The following MMP24 variants were observed in gnomAD, a reference collection of about 807,000 sequenced individuals.
The protein encoded by MMP24 is matrix metalloproteinase-24.
A neutral mutation model predicts 62.8 loss-of-function variants in MMP24; 25 were observed. The observed-to-expected ratio is 0.40, with a 90% CI of 0.29 to 0.56. MMP24 has a LOEUF of 0.56. Ranked by LOEUF, MMP24 falls within the 20% of genes least tolerant of loss-of-function variation. MMP24 has a pLI of 0.50. For missense variants in MMP24, 634 were observed against 853.6 expected, an observed-to-expected ratio of 0.74 and a Z score of 3.21; for synonymous variants, 319 against 350.5, an observed-to-expected ratio of 0.91 and a Z score of 1.00.
At chr20:35,235,570 C>T (rs1375348722) in intron 1 of MMP24, among the ~76,000 whole-genome samples, 1 of 152,064 alleles carries the variant, frequency 6.6e-6, no homozygotes, top group South Asian at 2.1e-4. Context: ...TGGTGGTGGG[C>T]ACCTGTAATC....
In MMP24 at chr20:35,263,893, T is replaced by C. The variant is rs572894495; in HGVS notation, c.920T>C (p.Met307Thr). Residue 307 changes from methionine (M) to threonine (T), a missense_variant, in exon 5 of 9, where the codon ATG becomes ACG. Physicochemically the swap from Met to Thr is moderately conservative, Grantham distance 81 (BLOSUM62 -1). Coordinates refer to ENST00000246186, the MANE Select transcript of MMP24 (RefSeq NM_006690.4). ...ATCATGGCGCCCTTCTACCAGTACATGGAGACGCACAACTTCAAGCTGCCC... is the reference window on the plus strand; with the variant it reads ...ATCATGGCGCCCTTCTACCAGTACACGGAGACGCACAACTTCAAGCTGCCC... Reference protein sequence around the residue: ...SAIMAPFYQYMETHNFKLPQD... With the variant: ...SAIMAPFYQYTETHNFKLPQD... The C allele has an allele frequency of 2.6e-5, 42 of 1,612,942 alleles. No individual in the cohort carries two copies. Among genetic ancestry groups the C allele is most frequent in the Non-Finnish European group, 3.5e-5 (41 of 1,179,454 alleles).
intron 1 of MMP24, among the ~76,000 whole-genome samples, chr20:35,242,445 G>C (rs2060493130): frequency 6.6e-6 from 1 of 152,036 alleles, no homozygotes. Context: ...AAAAGTAATG[G>C]TTACTTCCAA....
chr20:35,246,702 T>G, intron 1 of MMP24, 138 bp from the exon 2 acceptor site: 3 of 943,308 alleles, frequency 3.2e-6, no homozygotes, highest in Non-Finnish European at 4.8e-6. Context: ...CAGGATGGGG[T>G]GAAGGAAAAA....
At chr20:35,264,043 C>T (rs906417475) in intron 5 of MMP24, 91 bp downstream of exon 5, 31 of 1,357,082 alleles carry the variant, frequency 2.3e-5, no homozygotes, top group Admixed American at 1.3e-4. Context: ...GGGAGGGGGA[C>T]GTTGCTATCA....
intron 8 of MMP24, among the ~76,000 whole-genome samples, chr20:35,272,862 A>C (rs2060679196): frequency 6.6e-6 from 1 of 152,150 alleles, no homozygotes; most frequent in African/African-American, 2.4e-5. Context: ...ACCTTTATAT[A>C]ATGGTTTTGT....
At chr20:35,268,273 G>A (rs894991101) in intron 6 of MMP24, among the ~76,000 whole-genome samples, 4 of 152,216 alleles carry the variant, frequency 2.6e-5, no homozygotes, top group African/African-American at 9.6e-5. Context: ...CCCCAAAGGG[G>A]CTGACAGTTG....
At position 35,274,885 on chromosome 20, in the gene MMP24, G is replaced by A. The variant is rs2060695126; in HGVS notation, c.*276G>A. 8.7e-6 allele frequency: 4 copies of A among 459,918 alleles called. No individual in the cohort carries two copies. The highest frequency in any genetic ancestry group is 2.0e-5 in the African/African-American group (1 of 51,004). The allele number at this position is 459,918 out of a possible 1,614,324, so 28.5% of individuals were successfully genotyped here. A position where few individuals can be genotyped will look rare whatever the true frequency, so the allele number is the denominator to read the frequency against. On this transcript the variant is annotated 3_prime_UTR_variant, in exon 9 of 9. Coordinates refer to ENST00000246186, the MANE Select transcript of MMP24 (RefSeq NM_006690.4). The surrounding 1 kb of genome is among the most constrained non-coding windows in gnomAD (Gnocchi z 5.1). ...GGAATAGGCCAGGCTCCATCCGGAG[G>A]CAGGGACCATGCCAGGAGGAGCCCC...
At position 35,275,903 on chromosome 20, in the gene MMP24, A is replaced by G. The variant is rs994620492; in HGVS notation, c.*1294A>G. ...TTTGACCTTCACTGGCCCGCCCTTC[A>G]CTGTCTCCAGCAGGAGTTCCTAGGG... On this transcript the variant is annotated 3_prime_UTR_variant, in exon 9 of 9. Transcript: ENST00000246186. The G allele has an allele frequency of 1.5e-5, 6 of 397,848 alleles. No individual in the cohort carries two copies. The highest frequency in any genetic ancestry group is 2.7e-5 in the Non-Finnish European group (6 of 226,016). The allele number at this position is 397,848 out of a possible 1,614,324, so 24.6% of individuals were successfully genotyped here.
chr20:35,265,412 A>G (rs2060627667), intron 5 of MMP24, among the ~76,000 whole-genome samples: 1 of 152,022 alleles, frequency 6.6e-6, no homozygotes, highest in South Asian at 2.1e-4. Flanking sequence ...ACTGCACTCC[A>G]GCCTAGGCGA....
intron 1 of MMP24, among the ~76,000 whole-genome samples, chr20:35,235,071 C>A (rs1337116294): frequency 1.3e-5 from 2 of 152,190 alleles, no homozygotes; most frequent in East Asian, 3.8e-4. Flanking sequence ...ACATGACTTA[C>A]AGGTTATTTA....
At chr20:35,252,118 G>A in intron 3 of MMP24, 97 bp downstream of exon 3, 1 of 1,008,474 alleles carries the variant, frequency 9.9e-7, no homozygotes, top group Non-Finnish European at 1.5e-6. Context: ...AGGGGGGCCT[G>A]GGGATCAGGC....
Position 35,226,950 on chromosome 20 carries a change from G to C in MMP24, c.212G>C (p.Arg71Pro), listed in dbSNP as rs1286470860. 1 of 975,156 alleles carries C rather than the reference G, an allele frequency of 1.0e-6. No homozygotes were observed. 60.4% of individuals were successfully genotyped at this position (975,156 alleles called of 1,614,324 possible). ...GCAGCGGTGGCGGTGGCGGTGGCGCGGGCGGACGAGGCGGAGGCGCCCTTC... is the reference window on the plus strand; with the variant it reads ...GCAGCGGTGGCGGTGGCGGTGGCGCCGGCGGACGAGGCGGAGGCGCCCTTC... ...NRAAVAVAVA[R>P]ADEAEAPFAG... Residue 71 changes from arginine (R) to proline (P), a missense_variant, in exon 1 of 9, where the codon CGG becomes CCG. Physicochemically the swap from Arg to Pro is moderately radical, Grantham distance 103. Transcript: ENST00000246186.
chr20:35,245,276 C>T (rs1233558497), intron 1 of MMP24, among the ~76,000 whole-genome samples: 3 of 152,158 alleles, frequency 2.0e-5, no homozygotes, highest in African/African-American at 7.2e-5. Context: ...ATCCTTTCAC[C>T]TCAGCCTCTT....
intron 8 of MMP24, among the ~76,000 whole-genome samples, chr20:35,272,401 G>T (rs572190690): frequency 4.5e-4 from 69 of 152,256 alleles, no homozygotes; most frequent in African/African-American, 1.6e-3. Flanking sequence ...ACTGTGCCTG[G>T]CTAATTTACA....
chr20:35,226,885 C>T lies in MMP24; in HGVS notation c.147C>T (p.Ala49=). The T allele has an allele frequency of 1.0e-6, 1 of 978,350 alleles. No homozygotes were observed. The highest frequency in any genetic ancestry group is 1.2e-4 in the East Asian group (1 of 8,454). The allele number at this position is 978,350 out of a possible 1,614,324, so 60.6% of individuals were successfully genotyped here. A position where few individuals can be genotyped will look rare whatever the true frequency, so the allele number is the denominator to read the frequency against. ...CCGCGCTCTGCTGCCTCCCGGGCGC[C>T]GCGCGGGCGGCGGCGGCGGCGGCGG... ...LLPALCCLPG[A]ARAAAAAAGA... Residue 49 remains alanine, a synonymous_variant, in exon 1 of 9, where the codon GCC becomes GCT. Coordinates refer to ENST00000246186, the MANE Select transcript of MMP24 (RefSeq NM_006690.4).
Position 35,274,318 on chromosome 20 carries a change from C to T in MMP24, c.1647C>T (p.Asn549=). 6.2e-7 allele frequency: 1 copy of T among 1,613,520 alleles called. No individual in the cohort carries two copies. Among genetic ancestry groups the T allele is most frequent in the Non-Finnish European group, 8.5e-7 (1 of 1,179,864 alleles). Reference sequence around the variant, plus strand: ...GCCGGGACTACTGGAAGTTTGACAACCAGAAACTGAGCGTGGAGCCAGGCT... The same window carrying T: ...GCCGGGACTACTGGAAGTTTGACAATCAGAAACTGAGCGTGGAGCCAGGCT... ...YKGRDYWKFD[N]QKLSVEPGYP... Residue 549 remains asparagine (N), a synonymous_variant, in exon 9 of 9, where the codon AAC becomes AAT. Transcript: ENST00000246186. The surrounding 1 kb of genome is among the most constrained non-coding windows in gnomAD (Gnocchi z 5.1).
rs753363563 is a variant in MMP24 at position 35,271,555 on chromosome 20, C to A, written c.1334-14C>A. On this transcript the variant is annotated splice_polypyrimidine_tract_variant and intron_variant, in intron 7 of 8. Transcript: ENST00000246186. The surrounding 1 kb of genome is among the most constrained non-coding windows in gnomAD (Gnocchi z 4.0). ...TGACTGGGGAAGCTGATCCTGGGCT[C>A]CTCTTGGCCACAGGTGACAAGTATT... is the stretch of plus-strand genomic sequence containing the variant. 8.7e-6 allele frequency: 14 copies of A among 1,608,366 alleles called. No individual in the cohort carries two copies. The highest frequency in any genetic ancestry group is 1.1e-5 in the Non-Finnish European group (13 of 1,176,492).
chr20:35,257,509 T>G (rs903853836), intron 4 of MMP24, among the ~76,000 whole-genome samples: 1 of 152,206 alleles, frequency 6.6e-6, no homozygotes, highest in Non-Finnish European at 1.5e-5. Flanking sequence ...ATATTCCTGA[T>G]AGAGGCAAAT....
chr20:35,232,440 A>G (rs759934187), intron 1 of MMP24, among the ~76,000 whole-genome samples: 40 of 152,342 alleles, frequency 2.6e-4, no homozygotes, highest in Middle Eastern at 6.8e-3. Context: ...CTTGGCACAC[A>G]AAAGTCGCTA....
Sources: allele counts gnomAD v4.1 joint callset (sites outside exome capture counted in the v4.1 genomes callset), GRCh38; gene constraint gnomAD v4.1.1; non-coding constraint Gnocchi (gnomAD v3.1); transcripts MANE v1.5; gene names NCBI Gene and HGNC (gene_info 2026-07-23, HGNC 2026-07-21).